The following MYO5C variants were observed in gnomAD, a reference collection of about 807,000 sequenced individuals.
MYO5C encodes the protein myosin VC, also known as unconventional myosin-Vc.
A neutral mutation model predicts 235.7 loss-of-function variants in MYO5C; 194 were observed. The observed-to-expected ratio is 0.82, with a 90% CI of 0.73 to 0.93. The LOEUF is 0.93. Among genes scored for constraint, MYO5C ranks in the 40% least tolerant of loss-of-function variants. The pLI is 0.00. For synonymous variants in MYO5C, 707 were observed against 754.8 expected (o/e 0.94, Z 1.04); for missense variants, 2,038 against 2,127.2 (o/e 0.96, Z 0.82).
intron 11 of MYO5C, 54 bp downstream of exon 11, chr15:52,256,585 A>ACCCGCGCG: frequency 2.3e-6 from 2 of 870,898 alleles, no homozygotes; most frequent in Non-Finnish European, 1.7e-6. Context: ...ACACACACAC[A>ACCCGCGCG]CACGCGCGCG....
chr15:52,196,090 G>A (rs1219254422), intron 39 of MYO5C, among the ~76,000 whole-genome samples: 2 of 148,644 alleles, frequency 1.3e-5, no homozygotes, highest in Non-Finnish European at 3.0e-5. Flanking sequence ...GATTACAGCT[G>A]TGAGCCACCT....
chr15:52,208,423 C>T, intron 36 of MYO5C, 131 bp downstream of exon 36: 1 of 760,630 alleles, frequency 1.3e-6, no homozygotes, highest in Non-Finnish European at 2.1e-6. Context: ...TGGTGTATGC[C>T]CAAGAGTCCA....
intron 1 of MYO5C, among the ~76,000 whole-genome samples, chr15:52,289,062 G>A (rs2037335152): frequency 6.6e-6 from 1 of 152,126 alleles, no homozygotes; most frequent in African/African-American, 2.4e-5. Flanking sequence ...TCCTAGAACC[G>A]CTTTCTGGAC....
chr15:52,225,609 T>TA, intron 25 of MYO5C, 77 bp from the exon 26 acceptor site: 1 of 988,526 alleles, frequency 1.0e-6, no homozygotes, highest in Non-Finnish European at 1.6e-6. Context: ...GGAACACAAT[T>TA]ACAGCGTTGC....
intron 1 of MYO5C, among the ~76,000 whole-genome samples, chr15:52,285,178 G>C (rs2037233953): frequency 6.6e-6 from 1 of 152,100 alleles, no homozygotes; most frequent in African/African-American, 2.4e-5. Context: ...GACCAGCTTG[G>C]CCAACATGGT....
chr15:52,222,892 G>A lies in MYO5C; in HGVS notation c.3627+652C>T, dbSNP rs188286197. Among the ~76,000 whole-genome samples the A allele has an allele frequency of 6.2e-4, 94 of 152,220 alleles. No homozygotes were observed. In the Middle Eastern group the frequency reaches 0.014, roughly 22 times the overall value. On this transcript the variant is annotated intron_variant, in intron 29 of 40. Transcript: ENST00000261839. ...AAGGTGAGATTTGAAGGCCGGGCAC[G>A]GTGGCTTATGCCACTTTGGGAGGCT...
chr15:52,221,776 G>T (rs2035694069), intron 29 of MYO5C, among the ~76,000 whole-genome samples: 3 of 151,884 alleles, frequency 2.0e-5, no homozygotes. Flanking sequence ...TTAAAACAGG[G>T]TTTTTTTTCC....
chr15:52,201,131 A>G (rs578052719), intron 38 of MYO5C, among the ~76,000 whole-genome samples: 33 of 152,358 alleles, frequency 2.2e-4, no homozygotes, highest in Non-Finnish European at 3.4e-4. Context: ...AATATCTGAA[A>G]AAACAGTGGC....
chr15:52,236,969 G>A (rs1596174746), intron 22 of MYO5C: 1 of 152,238 alleles, frequency 6.6e-6, no homozygotes, highest in East Asian at 1.9e-4. Context: ...TTTTTTATAT[G>A]AGGAAACTAA....
intron 25 of MYO5C, 146 bp from the exon 26 acceptor site, chr15:52,225,678 A>T (rs2035806578): frequency 1.6e-6 from 1 of 629,418 alleles, no homozygotes; most frequent in African/African-American, 1.8e-5. Context: ...TTGTTAAACC[A>T]TCACTGCCTA....
At chr15:52,233,696 C>A (rs2036018280) in intron 23 of MYO5C, among the ~76,000 whole-genome samples, 1 of 152,220 alleles carries the variant, frequency 6.6e-6, no homozygotes, top group Non-Finnish European at 1.5e-5. Flanking sequence ...AGTCTGCAGG[C>A]CGAAGGGCAG....
intron 9 of MYO5C, among the ~76,000 whole-genome samples, chr15:52,262,421 A>T (rs1222031238): frequency 1.3e-5 from 2 of 152,174 alleles, no homozygotes; most frequent in Non-Finnish European, 2.9e-5. Flanking sequence ...TAGAAATCAC[A>T]TTTTTAATCT....
chr15:52,253,436 C>A lies in MYO5C; in HGVS notation c.1417G>T (p.Glu473Ter). ...GGTATATCTTCCTTCATGTATTCTT[C>A]TTGTTCCAGTTTGAAGACATGCTGG... is the stretch of plus-strand genomic sequence containing the variant. ...FNMHVFKLEQEEYMKEDIPWT... is the reference protein window; with the variant it reads ...FNMHVFKLEQ The change falls in exon 12 of 41, where the codon GAA becomes TAA. Residue 473 changes from glutamate to a stop codon, truncating the protein, a stop_gained. Transcript: ENST00000261839. LOFTEE classifies it high-confidence loss of function. 1 of 1,613,052 alleles carries A rather than the reference C, an allele frequency of 6.2e-7. No individual in the cohort carries two copies. The highest frequency in any genetic ancestry group is 8.5e-7 in the Non-Finnish European group (1 of 1,179,706).
intron 25 of MYO5C, among the ~76,000 whole-genome samples, chr15:52,228,583 G>A (rs2141296821): frequency 6.6e-6 from 1 of 152,242 alleles, no homozygotes; most frequent in South Asian, 2.1e-4. Flanking sequence ...TGAATATATT[G>A]TGGAATAATT....
At chr15:52,224,846 T>G in intron 28 of MYO5C, 55 bp downstream of exon 28, 1 of 1,461,858 alleles carries the variant, frequency 6.8e-7, no homozygotes, top group Admixed American at 1.9e-5. Flanking sequence ...GACTTTCCAA[T>G]AGTCTATTTA....
At position 52,256,556 on chromosome 15, in the gene MYO5C, T is replaced by G. The variant is rs1030600111; in HGVS notation, c.1395+83A>C. On this transcript the variant is annotated intron_variant, in intron 11 of 40. Transcript: ENST00000261839. The stretch of plus-strand genomic sequence containing the variant: ...ACCTCAAGAAAGAAGAATGCCTCTT[T>G]CCACGAACACACACACACACACACA... 7.3e-6 allele frequency: 5 copies of G among 686,930 alleles called. No homozygotes were observed. The African/African-American group carries it at 1.8e-4, about 25-fold the overall frequency. 42.6% of individuals were successfully genotyped at this position (686,930 alleles called of 1,614,324 possible). A position where few individuals can be genotyped will look rare whatever the true frequency, so the allele number is the denominator to read the frequency against.
At chr15:52,244,135 G>A (rs957859153) in intron 19 of MYO5C, among the ~76,000 whole-genome samples, 4 of 152,056 alleles carry the variant, frequency 2.6e-5, no homozygotes, top group Non-Finnish European at 4.4e-5. Flanking sequence ...AGGGCCCTGG[G>A]TGTCGGCTCA....
rs1435973644 is a variant in MYO5C, at chr15:52,192,881, A to C, written c.*1021T>G. 2 of 152,170 alleles carry C rather than the reference A, an allele frequency of 1.3e-5. No individual in the cohort carries two copies. The highest frequency in any genetic ancestry group is 2.9e-5 in the Non-Finnish European group (2 of 68,048). The allele number at this position is 152,170 out of a possible 1,614,324, so 9.4% of individuals were successfully genotyped here. A position where few individuals can be genotyped will look rare whatever the true frequency, so the allele number is the denominator to read the frequency against. On this transcript the variant is annotated 3_prime_UTR_variant, in exon 41 of 41. Transcript: ENST00000261839. ...TTAAAAAATAAAAAAATTATGGTGAATATGTTGGCAGGTAAGATTTGAAGT... is the reference window on the plus strand; with the variant it reads ...TTAAAAAATAAAAAAATTATGGTGACTATGTTGGCAGGTAAGATTTGAAGT...
intron 1 of MYO5C, among the ~76,000 whole-genome samples, chr15:52,294,745 C>T (rs1382264642): frequency 6.6e-6 from 1 of 151,996 alleles, no homozygotes. Flanking sequence ...AAATAATTAC[C>T]CAAGCCCATC....
Sources: allele counts gnomAD v4.1 joint callset (sites outside exome capture counted in the v4.1 genomes callset), GRCh38; gene constraint gnomAD v4.1.1; transcripts MANE v1.5; gene names NCBI Gene and HGNC (gene_info 2026-07-23, HGNC 2026-07-21).